Variants in ZNF423 observed in about 807,000 individuals in gnomAD.
ZNF423 encodes the protein zinc finger protein 423.
Under a neutral mutation model 95.8 loss-of-function variants are expected in ZNF423, and 12 were observed. The observed-to-expected ratio is 0.13, with a 90% CI of 0.08 to 0.20. The LOEUF (loss-of-function observed/expected upper bound fraction) is 0.20, where lower values mean the gene tolerates loss of function less well. Ranked by LOEUF, ZNF423 falls within the 10% of genes least tolerant of loss-of-function variation. ZNF423 has a pLI of 1.00. For synonymous variants in ZNF423, 749 were observed against 711.9 expected (o/e 1.05, Z -0.83); for missense variants, 1,316 against 1,737.1 (o/e 0.76, Z 4.31).
At chr16:49,797,112 A>G (rs2034510981) in intron 1 of ZNF423, among the ~76,000 whole-genome samples, 2 of 151,928 alleles carry the variant, frequency 1.3e-5, no homozygotes, top group Admixed American at 1.3e-4. Flanking sequence ...CCTCTCACAC[A>G]CTGCAGGCCA....
intron 7 of ZNF423, among the ~76,000 whole-genome samples, chr16:49,508,144 C>T (rs919292073): frequency 6.6e-5 from 10 of 152,066 alleles, no homozygotes; most frequent in African/African-American, 2.2e-4. Context: ...GTTTTTATGC[C>T]TACCAGTGCT....
intron 1 of ZNF423, among the ~76,000 whole-genome samples, chr16:49,806,971 G>A (rs961108502): frequency 1.3e-5 from 2 of 150,362 alleles, no homozygotes; most frequent in Non-Finnish European, 3.0e-5. Context: ...AGGTTGCAGC[G>A]AGCCGAGATC....
At chr16:49,719,699 C>CTT (rs1402373336) in intron 3 of ZNF423, among the ~76,000 whole-genome samples, 3 of 152,214 alleles carry the variant, frequency 2.0e-5, no homozygotes, top group African/African-American at 7.2e-5. Flanking sequence ...GATGTCCTTG[C>CTT]TACCCCTTCA....
intron 2 of ZNF423, among the ~76,000 whole-genome samples, chr16:49,754,547 T>C (rs1306469518): frequency 1.3e-5 from 2 of 152,142 alleles, no homozygotes; most frequent in Non-Finnish European, 2.9e-5. Flanking sequence ...AGAAGAGGCT[T>C]CCAGGTCCTC....
intron 5 of ZNF423, among the ~76,000 whole-genome samples, chr16:49,572,170 C>T (rs757243706): frequency 6.6e-6 from 1 of 152,252 alleles, no homozygotes; most frequent in African/African-American, 2.4e-5. Context: ...GGAGTGGAGA[C>T]AACACAGACC....
At chr16:49,852,334 A>G (rs948433170) in intron 1 of ZNF423, among the ~76,000 whole-genome samples, 5 of 152,348 alleles carry the variant, frequency 3.3e-5, no homozygotes, top group African/African-American at 1.2e-4. Context: ...AATTGACAGT[A>G]TTAAAATTAT....
intron 7 of ZNF423, among the ~76,000 whole-genome samples, chr16:49,500,077 T>C (rs1967334488): frequency 6.6e-6 from 1 of 151,730 alleles, no homozygotes; most frequent in Non-Finnish European, 1.5e-5. Flanking sequence ...AAAATGAGAG[T>C]TTTATGGCTG....
chr16:49,550,328 A>C (rs1421969297), intron 5 of ZNF423, among the ~76,000 whole-genome samples: 1 of 152,140 alleles, frequency 6.6e-6, no homozygotes, highest in Non-Finnish European at 1.5e-5. Context: ...CTTTTCGTCC[A>C]TTCTCTTCCA....
intron 7 of ZNF423, among the ~76,000 whole-genome samples, chr16:49,493,725 C>G: frequency 6.6e-6 from 1 of 152,188 alleles, no homozygotes; most frequent in East Asian, 1.9e-4. Context: ...GGAAAGAAAA[C>G]GAATGAATGT....
chr16:49,850,758 T>C (rs953125157), intron 1 of ZNF423, among the ~76,000 whole-genome samples: 8 of 152,210 alleles, frequency 5.3e-5, no homozygotes, highest in Admixed American at 1.3e-4. Context: ...ATGTCAGAAG[T>C]TGTTGACACT....
chr16:49,504,258 TAC>T, intron 7 of ZNF423, among the ~76,000 whole-genome samples: 1 of 152,192 alleles, frequency 6.6e-6, no homozygotes, highest in Non-Finnish European at 1.5e-5. Context: ...AATTTTATGC[TAC>T]GTGAATTTTT....
chr16:49,677,248 T>TAAGAGAAGAG (rs1377639641), intron 3 of ZNF423, among the ~76,000 whole-genome samples: 2 of 68,618 alleles, frequency 2.9e-5, no homozygotes, highest in African/African-American at 1.3e-4. Context: ...GAAGAGAAGA[T>TAAGAGAAGAG]AAGAGAAGAG....
rs1393709320 is a variant in ZNF423, at chr16:49,636,707, G to C, written c.2469C>G (p.Ala823=). ...TCTCCAGCAGGATGATGGCGTGGAA[G>C]GCCTTGCTGCAGAACTTACAGTTAT... ...KKYNCKFCSK[A]FHAIILLEKH... is the part of the protein sequence containing the mutation. Residue 823 remains alanine, a synonymous_variant, in exon 4 of 8, where the codon GCC becomes GCG. Transcript: ENST00000563137. This position sits in a 1 kb window ranked among gnomAD's most constrained non-coding sequence, Gnocchi z 8.6. 6.2e-7 allele frequency: 1 copy of C among 1,614,118 alleles called. No homozygotes were observed. The highest frequency in any genetic ancestry group is 1.1e-5 in the South Asian group (1 of 91,088).
At chr16:49,571,006 T>C (rs1016536965) in intron 5 of ZNF423, among the ~76,000 whole-genome samples, 4 of 152,194 alleles carry the variant, frequency 2.6e-5, no homozygotes, top group South Asian at 4.1e-4. Context: ...GCAGGAGGGC[T>C]GGATGGACAG....
chr16:49,699,260 G>T (rs1389113391), intron 3 of ZNF423, among the ~76,000 whole-genome samples: 1 of 152,146 alleles, frequency 6.6e-6, no homozygotes, highest in Non-Finnish European at 1.5e-5. Flanking sequence ...CCCGGGGGCC[G>T]CACAAAGCTG....
chr16:49,763,396 A>C (rs1432190064), intron 2 of ZNF423, among the ~76,000 whole-genome samples: 1 of 152,000 alleles, frequency 6.6e-6, no homozygotes, highest in Non-Finnish European at 1.5e-5. Flanking sequence ...CACCCACCTC[A>C]GCCTCCCGAC....
chr16:49,627,868 A>G (rs895527445), intron 4 of ZNF423, among the ~76,000 whole-genome samples: 3 of 143,488 alleles, frequency 2.1e-5, no homozygotes, highest in Admixed American at 6.9e-5. Flanking sequence ...CCAACCATCC[A>G]TCCTCCATCT....
Position 49,487,593 on chromosome 16 carries a change from G to C in ZNF423, c.*3682C>G, listed in dbSNP as rs993081187. On this transcript the variant is annotated 3_prime_UTR_variant, in exon 8 of 8. Coordinates refer to ENST00000563137, the MANE Select transcript of ZNF423 (RefSeq NM_001379286.1). ...GATTGTTATAATAAAATTAACAATG[G>C]AGTCAGACACCCCAGGCTGGAAGGT... 1.3e-5 allele frequency: 2 copies of C among 152,076 alleles called. No individual in the cohort carries two copies. Among genetic ancestry groups the C allele is most frequent in the Non-Finnish European group, 1.5e-5 (1 of 68,016 alleles). The allele number at this position is 152,076 out of a possible 1,614,324, so 9.4% of individuals were successfully genotyped here.
chr16:49,806,754 C>T (rs1049304410), intron 1 of ZNF423, among the ~76,000 whole-genome samples: 2 of 151,960 alleles, frequency 1.3e-5, no homozygotes, highest in Admixed American at 1.3e-4. Flanking sequence ...GCAGGCCAGG[C>T]GCTGTGACTC....
Sources: allele counts gnomAD v4.1 joint callset (sites outside exome capture counted in the v4.1 genomes callset), GRCh38; gene constraint gnomAD v4.1.1; non-coding constraint Gnocchi (gnomAD v3.1); transcripts MANE v1.5; gene names NCBI Gene and HGNC (gene_info 2026-07-23, HGNC 2026-07-21).